PITPNC1: variants seen among roughly 807,000 people sequenced by gnomAD.
The protein encoded by PITPNC1 is cytoplasmic phosphatidylinositol transfer protein 1.
PITPNC1 carries 18 observed loss-of-function variants against 44.7 expected under a neutral mutation model. That is an observed-to-expected ratio of 0.40 (90% CI 0.28 to 0.60). The LOEUF is 0.60. PITPNC1 is among the 20% of genes least tolerant of loss of function. The probability of loss-of-function intolerance (pLI) is 0.39; values close to 1 mark genes in which losing one functional copy is unlikely to be tolerated. For synonymous variants in PITPNC1, 141 were observed against 149.6 expected (o/e 0.94, Z 0.42); for missense variants, 290 against 418.4 (o/e 0.69, Z 2.68).
intron 5 of PITPNC1, among the ~76,000 whole-genome samples, chr17:67,590,915 T>G (rs2041381788): frequency 6.6e-6 from 1 of 150,848 alleles, no homozygotes; most frequent in Non-Finnish European, 1.5e-5. Context: ...AATGTGCCAT[T>G]GCACTCCAGC....
intron 1 of PITPNC1, among the ~76,000 whole-genome samples, chr17:67,438,088 AAAAAG>A (rs2038961797): frequency 6.6e-6 from 1 of 152,010 alleles, no homozygotes. Flanking sequence ...AAAAAGAAAA[AAAAAG>A]AAGAGAAAAG....
chr17:67,660,320 C>A (rs190785949), intron 6 of PITPNC1, among the ~76,000 whole-genome samples: 5 of 152,002 alleles, frequency 3.3e-5, no homozygotes, highest in South Asian at 2.1e-4. Context: ...CCTCAAGCAG[C>A]AAATTTCCCA....
intron 1 of PITPNC1, among the ~76,000 whole-genome samples, chr17:67,493,163 T>C (rs2039886722): frequency 6.6e-6 from 1 of 152,194 alleles, no homozygotes; most frequent in African/African-American, 2.4e-5. Flanking sequence ...CTCTTTAATG[T>C]GGCTATTTTA....
At chr17:67,617,709 G>T (rs2041778052) in intron 5 of PITPNC1, among the ~76,000 whole-genome samples, 1 of 152,074 alleles carries the variant, frequency 6.6e-6, no homozygotes, top group African/African-American at 2.4e-5. Flanking sequence ...GCGTTTCTTG[G>T]CTCAGGGCTG....
At chr17:67,410,981 G>T (rs1276410334) in intron 1 of PITPNC1, among the ~76,000 whole-genome samples, 2 of 151,724 alleles carry the variant, frequency 1.3e-5, no homozygotes, top group Non-Finnish European at 2.9e-5. Context: ...TACTCGGGAG[G>T]CTGAGGCAGA....
chr17:67,626,121 G>A (rs1655705397), intron 5 of PITPNC1, among the ~76,000 whole-genome samples: 1 of 151,908 alleles, frequency 6.6e-6, no homozygotes, highest in Admixed American at 6.6e-5. Context: ...GAGTAGCTGG[G>A]ACAACAGGTG....
At chr17:67,650,288 T>C (rs931606181) in intron 6 of PITPNC1, among the ~76,000 whole-genome samples, 5 of 152,104 alleles carry the variant, frequency 3.3e-5, no homozygotes, top group Non-Finnish European at 5.9e-5. Context: ...CAGACTCTGG[T>C]ACGGAGCAAG....
intron 1 of PITPNC1, among the ~76,000 whole-genome samples, chr17:67,469,007 G>C (rs1463242569): frequency 6.6e-6 from 1 of 152,200 alleles, no homozygotes; most frequent in Non-Finnish European, 1.5e-5. Context: ...GCAATTACAG[G>C]AGTCAGCCAC....
At chr17:67,692,544 G>T (rs894731394) in intron 8 of PITPNC1, 28 bp from the exon 9 acceptor site, 16 of 1,554,222 alleles carry the variant, frequency 1.0e-5, no homozygotes, top group Non-Finnish European at 1.3e-5. Flanking sequence ...ATAACTGCTC[G>T]TTTTTCTTTC....
chr17:67,608,971 C>T (rs2041652031), intron 5 of PITPNC1, among the ~76,000 whole-genome samples: 1 of 152,044 alleles, frequency 6.6e-6, no homozygotes, highest in African/African-American at 2.4e-5. Flanking sequence ...TGTGGACTTT[C>T]AGAATATCCT....
chr17:67,607,634 C>T (rs2144285619), intron 5 of PITPNC1, among the ~76,000 whole-genome samples: 1 of 152,176 alleles, frequency 6.6e-6, no homozygotes, highest in African/African-American at 2.4e-5. Flanking sequence ...TGCTTTGTCT[C>T]TTCCTCTCCA....
At chr17:67,605,034 G>A (rs1232303877) in intron 5 of PITPNC1, among the ~76,000 whole-genome samples, 3 of 151,534 alleles carry the variant, frequency 2.0e-5, no homozygotes, top group South Asian at 4.2e-4. Context: ...AGCCGAAATC[G>A]CGCCATTGCA....
intron 1 of PITPNC1, chr17:67,456,976 C>T (rs989041086): frequency 2.0e-5 from 3 of 150,648 alleles, no homozygotes; most frequent in African/African-American, 7.3e-5. Context: ...TTTTCTTTTC[C>T]TCATTTGTTT....
At chr17:67,690,734 G>C (rs1974648) in intron 8 of PITPNC1, among the ~76,000 whole-genome samples, 71,884 of 151,852 alleles carry the variant, frequency 0.47, 18,273 homozygotes, top group Admixed American at 0.6. Flanking sequence ...ATAAGCCCAG[G>C]TTCCTCTTTT....
chr17:67,447,626 C>CACCTCAG (rs1184828661), intron 1 of PITPNC1, among the ~76,000 whole-genome samples: 2 of 151,922 alleles, frequency 1.3e-5, no homozygotes, highest in Admixed American at 6.6e-5. Flanking sequence ...CTCAGACTCC[C>CACCTCAG]AAAGTGCTGG....
chr17:67,426,585 A>G (rs1348225636), intron 1 of PITPNC1, among the ~76,000 whole-genome samples: 1 of 151,764 alleles, frequency 6.6e-6, no homozygotes, highest in Non-Finnish European at 1.5e-5. Context: ...AGGGAGGGGA[A>G]CAACACACAC....
chr17:67,622,357 T>C (rs972174979), intron 5 of PITPNC1, among the ~76,000 whole-genome samples: 5 of 150,494 alleles, frequency 3.3e-5, no homozygotes, highest in Admixed American at 2.0e-4. Context: ...CAAGTTGAAA[T>C]ACTCTTGGGT....
chr17:67,669,506 A>G lies in PITPNC1; in HGVS notation c.463-2A>G. ...CAATTTCTTTGATTTTTTTTTTTCTAGGATCCTAAGCACTTCAAGTCAGAG... is the reference window on the plus strand; with the variant it reads ...CAATTTCTTTGATTTTTTTTTTTCTGGGATCCTAAGCACTTCAAGTCAGAG... On this transcript the variant is annotated splice_acceptor_variant, in intron 6 of 8. Coordinates refer to ENST00000581322, the MANE Select transcript of PITPNC1 (RefSeq NM_012417.4). LOFTEE classifies it high-confidence loss of function. 1 of 1,544,840 alleles carries G rather than the reference A, an allele frequency of 6.5e-7. No individual in the cohort carries two copies. Among genetic ancestry groups the G allele is most frequent in the Non-Finnish European group, 8.7e-7 (1 of 1,145,250 alleles).
intron 5 of PITPNC1, chr17:67,612,738 G>C (rs1034476684): frequency 1.3e-5 from 2 of 151,982 alleles, no homozygotes; most frequent in Admixed American, 6.6e-5. Flanking sequence ...TCAATGGGTG[G>C]ATGTGGAGAT....
Sources: gnomAD v4.1 joint callset for allele counts (sites outside exome capture counted in the v4.1 genomes callset) on GRCh38, gnomAD v4.1.1 for gene constraint, MANE v1.5 for transcripts, NCBI Gene and HGNC (gene_info 2026-07-23, HGNC 2026-07-21) for gene names.